ADGRE1: variants seen among roughly 807,000 people sequenced by gnomAD.
ADGRE1 encodes EGF-like module receptor 1.
In ADGRE1, 82 loss-of-function variants were observed where a neutral mutation model predicts 102.7. That is an observed-to-expected ratio of 0.80 (90% confidence interval 0.67 to 0.96). The LOEUF (loss-of-function observed/expected upper bound fraction) is 0.96, where lower values mean the gene tolerates loss of function less well. ADGRE1 is among the 40% of genes least tolerant of loss of function. The pLI is 0.00. For missense variants in ADGRE1, 1,032 were observed against 1,085.3 expected (o/e 0.95, Z 0.69); for synonymous variants, 398 against 399.6 (o/e 1.00, Z 0.05).
At position 6,924,868 on chromosome 19, in the gene ADGRE1, A is replaced by G. The variant is rs143281375; in HGVS notation, c.1982A>G (p.Asn661Ser). The G allele has an allele frequency of 9.3e-6, 15 of 1,613,836 alleles. No individual in the cohort carries two copies. The highest frequency in any genetic ancestry group is 1.2e-5 in the Non-Finnish European group (14 of 1,179,972). Residue 661 changes from asparagine (N) to serine (S), a missense_variant, in exon 15 of 21, where the codon AAC becomes AGC. Transcript: ENST00000312053. ...CTCGCCGGTATACACAAGACTGACA[A>G]CAAGGTCTACATCGCTCGGGCTGTG... ...LFLAGIHKTD[N>S]KMGCAIIAGF...
At position 6,940,164 on chromosome 19, in the gene ADGRE1, A is replaced by T; in HGVS notation, c.*135A>T. The T allele has an allele frequency of 9.3e-7, 1 of 1,080,458 alleles. No homozygotes were observed. The highest frequency in any genetic ancestry group is 1.4e-6 in the Non-Finnish European group (1 of 729,330). The allele number at this position is 1,080,458 out of a possible 1,614,324, so 66.9% of individuals were successfully genotyped here. A position where few individuals can be genotyped will look rare whatever the true frequency, so the allele number is the denominator to read the frequency against. Reference sequence around the variant, plus strand: ...CACCAGCCCCAGAACCCTCTGGGGAAGAATGTTGGGGGCGGTCTTCCTGTG... The same window carrying T: ...CACCAGCCCCAGAACCCTCTGGGGATGAATGTTGGGGGCGGTCTTCCTGTG... On this transcript the variant is annotated 3_prime_UTR_variant, in exon 21 of 21. Coordinates refer to ENST00000312053, the MANE Select transcript of ADGRE1 (RefSeq NM_001974.5).
At chr19:6,911,463 G>A (rs1179064478) in intron 10 of ADGRE1, among the ~76,000 whole-genome samples, 1 of 131,540 alleles carries the variant, frequency 7.6e-6, no homozygotes, top group Non-Finnish European at 1.6e-5. Context: ...ATAATAAGGG[G>A]AATCATATGA....
In ADGRE1 at chr19:6,937,299, T is replaced by C. The variant is rs1305152847; in HGVS notation, c.2438T>C (p.Leu813Pro). 5 of 1,614,164 alleles carry C rather than the reference T, an allele frequency of 3.1e-6. No homozygotes were observed. Among genetic ancestry groups the C allele is most frequent in the South Asian group, 1.1e-5 (1 of 91,082 alleles). ...QLFILGCSWV[L>P]GIFQIGPVAG... Reference sequence around the variant, plus strand: ...TTCATCCTGGGCTGCTCCTGGGTGCTGGGCATTTTTCAGATTGGACCTGTG... The same window carrying C: ...TTCATCCTGGGCTGCTCCTGGGTGCCGGGCATTTTTCAGATTGGACCTGTG... Residue 813 changes from leucine (L) to proline (P), a missense_variant, in exon 19 of 21, where the codon CTG becomes CCG. Physicochemically the swap from Leu to Pro is moderately conservative, Grantham distance 98. Coordinates refer to ENST00000312053, the MANE Select transcript of ADGRE1 (RefSeq NM_001974.5).
intron 14 of ADGRE1, among the ~76,000 whole-genome samples, chr19:6,922,624 A>T (rs1023567685): frequency 2.1e-5 from 3 of 144,732 alleles, no homozygotes; most frequent in African/African-American, 8.3e-5. Context: ...ACACACACAC[A>T]CACACACACA....
At chr19:6,904,418 G>A (rs1488722020) in intron 8 of ADGRE1, among the ~76,000 whole-genome samples, 2 of 151,974 alleles carry the variant, frequency 1.3e-5, no homozygotes, top group African/African-American at 4.8e-5. Context: ...GAATATCATA[G>A]GCATGCTTCT....
chr19:6,900,197 G>A (rs1300067960), intron 5 of ADGRE1, among the ~76,000 whole-genome samples: 1 of 151,996 alleles, frequency 6.6e-6, no homozygotes, highest in Non-Finnish European at 1.5e-5. Flanking sequence ...TTTTGAGACT[G>A]GGTGTGGTGG....
chr19:6,897,542 G>A lies in ADGRE1; in HGVS notation c.509G>A (p.Cys170Tyr), dbSNP rs751073766. The change falls in exon 5 of 21, where the codon TGT becomes TAT. Residue 170 changes from cysteine to tyrosine, a missense_variant. Physicochemically the swap from Cys to Tyr is radical, Grantham distance 194. Coordinates refer to ENST00000312053, the MANE Select transcript of ADGRE1 (RefSeq NM_001974.5). ...QVGFISRNST[C>Y]EDVDECADPR... ...GGATTCATCTCTAGAAACTCCACCT[G>A]TGAAGGTATCCATGACCATCTCTTT... The A allele has an allele frequency of 6.4e-7, 1 of 1,560,536 alleles. No individual in the cohort carries two copies. Among genetic ancestry groups the A allele is most frequent in the South Asian group, 1.2e-5 (1 of 80,836 alleles).
intron 10 of ADGRE1, among the ~76,000 whole-genome samples, chr19:6,910,941 A>C (rs544914097): frequency 3.5e-4 from 53 of 152,280 alleles, no homozygotes; most frequent in African/African-American, 1.1e-3. Context: ...ATTTAACACA[A>C]ATCCTACTAA....
chr19:6,940,087 G>A lies in ADGRE1; in HGVS notation c.*58G>A. ...CCACAGTTGAGGACAGTAGTTTCCT[G>A]CAGGAGCCTACCCTGAAATCTCTTC... On this transcript the variant is annotated 3_prime_UTR_variant, in exon 21 of 21. Transcript: ENST00000312053. 6.3e-7 allele frequency: 1 copy of A among 1,587,256 alleles called. No homozygotes were observed. Among genetic ancestry groups the A allele is most frequent in the Non-Finnish European group, 8.6e-7 (1 of 1,158,392 alleles).
intron 17 of ADGRE1, among the ~76,000 whole-genome samples, chr19:6,932,507 A>T (rs948122778): frequency 6.6e-6 from 1 of 152,038 alleles, no homozygotes; most frequent in African/African-American, 2.4e-5. Context: ...TAAATTTAAA[A>T]GGCTATCTGT....
At chr19:6,906,636 C>A (rs1257899021) in intron 9 of ADGRE1, 115 bp downstream of exon 9, 5 of 854,104 alleles carry the variant, frequency 5.9e-6, no homozygotes, top group African/African-American at 3.4e-5. Context: ...AACCAGACAG[C>A]AGTTTATTTT....
chr19:6,906,210 C>T (rs537446943), intron 8 of ADGRE1, among the ~76,000 whole-genome samples: 37 of 152,178 alleles, frequency 2.4e-4, no homozygotes, highest in African/African-American at 8.9e-4. Context: ...CTCTAAGAGG[C>T]ATGATATTGA....
intron 5 of ADGRE1, 37 bp from the exon 6 acceptor site, chr19:6,901,838 A>T: frequency 6.2e-7 from 1 of 1,610,350 alleles, no homozygotes; most frequent in African/African-American, 1.3e-5. Context: ...TTGCTTTCTC[A>T]TTTACCTTGA....
At chr19:6,891,506 T>G (rs1453855212) in intron 2 of ADGRE1, among the ~76,000 whole-genome samples, 3 of 151,346 alleles carry the variant, frequency 2.0e-5, no homozygotes, top group East Asian at 3.9e-4. Flanking sequence ...CAGGCTGGAG[T>G]GCAGTGGTGC....
intron 14 of ADGRE1, among the ~76,000 whole-genome samples, chr19:6,922,732 G>A (rs982055249): frequency 2.6e-5 from 4 of 151,654 alleles, no homozygotes; most frequent in Admixed American, 2.0e-4. Flanking sequence ...AATAAGCCTT[G>A]GTAAATGAGT....
At chr19:6,925,318 T>G (rs891899301) in intron 15 of ADGRE1, among the ~76,000 whole-genome samples, 4 of 152,222 alleles carry the variant, frequency 2.6e-5, no homozygotes, top group Non-Finnish European at 5.9e-5. Flanking sequence ...AGACGGGGTT[T>G]CACCATTTTG....
At chr19:6,920,874 T>C (rs1351344462) in intron 13 of ADGRE1, among the ~76,000 whole-genome samples, 1 of 152,228 alleles carries the variant, frequency 6.6e-6, no homozygotes, top group Non-Finnish European at 1.5e-5. Flanking sequence ...CTCTGCTTAC[T>C]TGGTTTTTAT....
Position 6,924,879 on chromosome 19 carries a change from A to G in ADGRE1, c.1986+7A>G. 6.2e-7 allele frequency: 1 copy of G among 1,613,626 alleles called. No individual in the cohort carries two copies. The highest frequency in any genetic ancestry group is 8.5e-7 in the Non-Finnish European group (1 of 1,179,786). On this transcript the variant is annotated splice_region_variant and intron_variant, in intron 15 of 20. Transcript: ENST00000312053. The stretch of plus-strand genomic sequence containing the variant: ...ACACAAGACTGACAACAAGGTCTAC[A>G]TCGCTCGGGCTGTGTCCCCACCAAG...
chr19:6,923,299 C>T (rs1214073257), intron 14 of ADGRE1, among the ~76,000 whole-genome samples: 1 of 152,098 alleles, frequency 6.6e-6, no homozygotes, highest in Non-Finnish European at 1.5e-5. Context: ...CCAGCTCTCT[C>T]ATCTCAAAAA....
Sources: gnomAD v4.1 joint callset for allele counts (sites outside exome capture counted in the v4.1 genomes callset) on GRCh38, gnomAD v4.1.1 for gene constraint, MANE v1.5 for transcripts, NCBI Gene and HGNC (gene_info 2026-07-23, HGNC 2026-07-21) for gene names.